CEP83: variants seen among roughly 807,000 people sequenced by gnomAD.
CEP83 encodes centrosomal protein 83, also known as centrosomal protein of 83 kDa.
CEP83 carries 70 observed loss-of-function variants against 101.9 expected under a neutral mutation model. The observed-to-expected ratio is 0.69, with a 90% CI of 0.57 to 0.84. CEP83 has a LOEUF of 0.84. Among genes scored for constraint, CEP83 ranks in the 40% least tolerant of loss-of-function variants. The pLI, the probability that CEP83 is intolerant of heterozygous loss-of-function variation, is 0.00. For missense variants in CEP83, 715 were observed against 787.2 expected, an observed-to-expected ratio of 0.91 and a Z score of 1.10; for synonymous variants, 264 against 267.9, an observed-to-expected ratio of 0.99 and a Z score of 0.14.
chr12:94,326,459 C>T (rs1182731399), intron 14 of CEP83, among the ~76,000 whole-genome samples: 1 of 151,972 alleles, frequency 6.6e-6, no homozygotes, highest in African/African-American at 2.4e-5. Context: ...GGGACTGAGC[C>T]GTTTAACTTG....
At chr12:94,424,705 T>C in intron 2 of CEP83, 2 of 1,609,736 alleles carry the variant, frequency 1.2e-6, no homozygotes, top group South Asian at 1.1e-5. Flanking sequence ...TCTTGTCCAG[T>C]ACGGCCTTAG....
chr12:94,313,850 A>G (rs1970254514), intron 14 of CEP83, among the ~76,000 whole-genome samples: 1 of 152,170 alleles, frequency 6.6e-6, no homozygotes, highest in South Asian at 2.1e-4. Context: ...AAGGAAAAGA[A>G]AAGAACTGAA....
intron 6 of CEP83, among the ~76,000 whole-genome samples, chr12:94,388,165 A>G (rs886544289): frequency 2.0e-5 from 3 of 152,250 alleles, no homozygotes; most frequent in African/African-American, 7.2e-5. Context: ...TAGCAAAAAC[A>G]TGGAATCAAC....
Position 94,331,818 on chromosome 12 carries a change from T to C in CEP83, c.1589A>G (p.Glu530Gly), listed in dbSNP as rs2059237530. Residue 530 changes from glutamate to glycine, a missense_variant, in exon 14 of 17, where the codon GAG (glutamate) becomes GGG (glycine). Transcript: ENST00000397809. Reference protein sequence around the residue: ...AQLEAEKTLEEKQIQWLEEKH... With the variant: ...AQLEAEKTLEGKQIQWLEEKH... ...TTCTTCCAACCACTGTATCTGTTTCTCTTCCAATGTCCTGTCAGAAGAATG... is the reference window on the plus strand; with the variant it reads ...TTCTTCCAACCACTGTATCTGTTTCCCTTCCAATGTCCTGTCAGAAGAATG... 2 of 1,612,434 alleles carry C rather than the reference T, an allele frequency of 1.2e-6. No homozygotes were observed. Among genetic ancestry groups the C allele is most frequent in the Non-Finnish European group, 1.7e-6 (2 of 1,178,544 alleles).
At chr12:94,349,280 T>A (rs2060091937) in intron 11 of CEP83, among the ~76,000 whole-genome samples, 2 of 140,058 alleles carry the variant, frequency 1.4e-5, no homozygotes, top group Admixed American at 1.4e-4. Context: ...AGCAAGACTC[T>A]GTCTCAAAAA....
chr12:94,275,270 C>A, the CEP83 span, among the ~76,000 whole-genome samples: 1 of 152,230 alleles, frequency 6.6e-6, no homozygotes, highest in Non-Finnish European at 1.5e-5. Flanking sequence ...AGGACTATGT[C>A]ATAACATCTC....
At chr12:94,391,735 T>C (rs972627430) in intron 6 of CEP83, among the ~76,000 whole-genome samples, 10 of 151,584 alleles carry the variant, frequency 6.6e-5, no homozygotes, top group Admixed American at 1.3e-4. Context: ...AGGAGACCCA[T>C]CTCACGTGCA....
intron 1 of CEP83, among the ~76,000 whole-genome samples, chr12:94,441,914 C>CAAAAAA (rs370968833): frequency 1.1e-4 from 7 of 61,800 alleles, no homozygotes; most frequent in Non-Finnish European, 1.3e-4. Context: ...GACTCCGTCT[C>CAAAAAA]AAAAAAAAAA....
chr12:94,416,580 A>C (rs374046635), intron 2 of CEP83, among the ~76,000 whole-genome samples: 38,421 of 148,668 alleles, frequency 0.26, 5,462 homozygotes, highest in Non-Finnish European at 0.33. Flanking sequence ...ACACAAAAAA[A>C]AAAAAACTGT....
At chr12:94,359,897 C>T (rs1384728964) in intron 11 of CEP83, among the ~76,000 whole-genome samples, 1 of 152,078 alleles carries the variant, frequency 6.6e-6, no homozygotes, top group East Asian at 1.9e-4. Context: ...CACCAGCAAA[C>T]CAAATCCAGC....
intron 11 of CEP83, among the ~76,000 whole-genome samples, chr12:94,350,590 G>C (rs935914459): frequency 6.6e-6 from 1 of 151,700 alleles, no homozygotes; most frequent in Non-Finnish European, 1.5e-5. Context: ...GATATGACAC[G>C]AAAGGCATAG....
chr12:94,317,826 T>C (rs1230241942), intron 14 of CEP83, among the ~76,000 whole-genome samples: 1 of 152,178 alleles, frequency 6.6e-6, no homozygotes, highest in Non-Finnish European at 1.5e-5. Flanking sequence ...TGCTCTATAG[T>C]ATAGTTTTAA....
intron 11 of CEP83, among the ~76,000 whole-genome samples, chr12:94,362,090 T>C (rs944780002): frequency 2.6e-5 from 4 of 152,256 alleles, no homozygotes; most frequent in African/African-American, 9.6e-5. Flanking sequence ...TAATTTCATT[T>C]AAAAATGGGC....
chr12:94,313,269 CAA>C (rs11306319), intron 14 of CEP83: 33 of 227,098 alleles, frequency 1.5e-4, no homozygotes, highest in South Asian at 2.7e-4. Context: ...ATAATTGCTG[CAA>C]AAAAAAAATC....
chr12:94,424,688 T>TTTGTGGTG, intron 2 of CEP83: 2 of 1,611,692 alleles, frequency 1.2e-6, no homozygotes, highest in Non-Finnish European at 8.5e-7. Context: ...TTTACATTTG[T>TTTGTGGTG]TTGTGGTCTT....
intron 2 of CEP83, chr12:94,424,749 T>G: frequency 3.1e-6 from 5 of 1,612,024 alleles, no homozygotes; most frequent in Non-Finnish European, 4.2e-6. Flanking sequence ...TGACACAGCT[T>G]GACAAGATCT....
chr12:94,376,745 A>ATT (rs1321560351), intron 7 of CEP83, among the ~76,000 whole-genome samples: 1,307 of 113,050 alleles, frequency 0.012, 14 homozygotes, highest in Admixed American at 0.029. Context: ...ATATATATAT[A>ATT]TATTTTTTTT....
intron 14 of CEP83, among the ~76,000 whole-genome samples, chr12:94,321,841 G>C (rs1474862619): frequency 6.6e-6 from 1 of 152,066 alleles, no homozygotes; most frequent in African/African-American, 2.4e-5. Context: ...TGGAGATTCA[G>C]GTTGGGAGGA....
intron 12 of CEP83, 142 bp downstream of exon 12, chr12:94,335,447 T>C: frequency 1.6e-6 from 1 of 608,804 alleles, no homozygotes; most frequent in Non-Finnish European, 2.9e-6. Context: ...CATTTTATCT[T>C]TACATATCAC....
Sources: allele counts gnomAD v4.1 joint callset (sites outside exome capture counted in the v4.1 genomes callset), GRCh38; gene constraint gnomAD v4.1.1; transcripts MANE v1.5; gene names NCBI Gene and HGNC (gene_info 2026-07-23, HGNC 2026-07-21).